Variants in SLIT3 observed in about 807,000 individuals in gnomAD.
The protein encoded by SLIT3 is slit homolog 3 protein.
In SLIT3, 68 loss-of-function variants were observed where a neutral mutation model predicts 184.0. The observed-to-expected ratio is 0.37, with a 90% CI of 0.30 to 0.45. The LOEUF (loss-of-function observed/expected upper bound fraction) is 0.45. SLIT3 is among the 20% of genes least tolerant of loss of function. The pLI is 1.00. For missense variants in SLIT3, 1,707 were observed against 2,026.0 expected (o/e 0.84, Z 3.02); for synonymous variants, 831 against 828.6 (o/e 1.00, Z -0.05).
rs533787115 is a variant in SLIT3 at position 168,887,879 on chromosome 5, A to T, written c.414-4543T>A. Among the ~76,000 whole-genome samples, 3 of 152,306 alleles carry T rather than the reference A, an allele frequency of 2.0e-5. No individual in the cohort carries two copies. In the South Asian group the frequency reaches 6.2e-4, roughly 32 times the overall value. ...AATGTCCTTTTTCAGCACCCCCAGG[A>T]CATATGCCTTCAACTCTACAAAGAA... On this transcript the variant is annotated intron_variant, in intron 4 of 35. Coordinates refer to ENST00000519560, the MANE Select transcript of SLIT3 (RefSeq NM_003062.4).
In SLIT3 at chr5:168,745,260, G is replaced by A. The variant is rs1022032507; in HGVS notation, c.2270+3042C>T. Among the ~76,000 whole-genome samples, 4 of 152,334 alleles carry A rather than the reference G, an allele frequency of 2.6e-5. No individual in the cohort carries two copies. The South Asian group carries it at 8.3e-4, about 32-fold the overall frequency. On this transcript the variant is annotated intron_variant, in intron 20 of 35. Coordinates refer to ENST00000519560, the MANE Select transcript of SLIT3 (RefSeq NM_003062.4). ...CTAAAACTTGAGCAGATAAGGAGTT[G>A]CTTCTTATAGATGAGGAAAGAAATT...
At chr5:168,963,771 A>G (rs1003145335) in intron 4 of SLIT3, among the ~76,000 whole-genome samples, 1 of 152,214 alleles carries the variant, frequency 6.6e-6, no homozygotes, top group Non-Finnish European at 1.5e-5. Flanking sequence ...TCAATGACCA[A>G]GAGGCTGACC....
chr5:169,240,579 C>CTTTTTTT (rs67955225), intron 3 of SLIT3, among the ~76,000 whole-genome samples: 147 of 114,124 alleles, frequency 1.3e-3, no homozygotes, highest in East Asian at 4.3e-3. Context: ...CTATCATTTT[C>CTTTTTTT]TTTTTTTTTT....
chr5:169,232,858 T>C (rs1242900384), intron 3 of SLIT3, among the ~76,000 whole-genome samples: 1 of 152,216 alleles, frequency 6.6e-6, no homozygotes, highest in Non-Finnish European at 1.5e-5. Context: ...CATCCATCAA[T>C]TTGGAGAGAG....
At chr5:168,883,453 T>C in intron 4 of SLIT3, 117 bp from the exon 5 acceptor site, 4 of 741,694 alleles carry the variant, frequency 5.4e-6, no homozygotes, top group Admixed American at 2.3e-5. Flanking sequence ...TCAGAGTGTA[T>C]GGCGGCTGTT....
At chr5:168,998,682 C>T (rs548712374) in intron 4 of SLIT3, among the ~76,000 whole-genome samples, 14 of 146,026 alleles carry the variant, frequency 9.6e-5, no homozygotes, top group East Asian at 3.9e-4. Context: ...CCAGCCTGGG[C>T]GACAGAGCAA....
rs564131355 is a variant in SLIT3 at position 169,255,593 on chromosome 5, T to C, written c.198-4134A>G. Among the ~76,000 whole-genome samples the C allele has an allele frequency of 3.3e-5, 5 of 152,270 alleles. No individual in the cohort carries two copies. In the East Asian group the frequency reaches 9.7e-4, roughly 29 times the overall value. ...AAAAAAAATTAAAAGTTTATAAAGT[T>C]AAAAAGTTGGCAGGGCGCAGTGGCT... On this transcript the variant is annotated intron_variant, in intron 1 of 35. Transcript: ENST00000519560.
chr5:168,902,662 A>C (rs1760909006), intron 4 of SLIT3, among the ~76,000 whole-genome samples: 1 of 152,198 alleles, frequency 6.6e-6, no homozygotes, highest in Non-Finnish European at 1.5e-5. Context: ...TCTAAATCAG[A>C]AGCTCTGGGG....
chr5:169,035,527 T>C (rs1757208153), intron 4 of SLIT3, among the ~76,000 whole-genome samples: 1 of 151,428 alleles, frequency 6.6e-6, no homozygotes, highest in African/African-American at 2.4e-5. Flanking sequence ...CGGGCACCTG[T>C]AGTCCCAGCT....
rs750100349 is a variant in SLIT3, at chr5:168,817,380, T to G, written c.713A>C (p.Gln238Pro). 1 of 1,614,212 alleles carries G rather than the reference T, an allele frequency of 6.2e-7. No homozygotes were observed. Among genetic ancestry groups the G allele is most frequent in the Non-Finnish European group, 8.5e-7 (1 of 1,180,034 alleles). The change falls in exon 8 of 36, where the codon CAG becomes CCG. Residue 238 changes from glutamine to proline, a missense_variant. Around this residue, in one of 3 missense-constraint regions of SLIT3, gnomAD observed 1,307 missense variants for 1,511.6 expected, o/e 0.86. Coordinates refer to ENST00000519560, the MANE Select transcript of SLIT3 (RefSeq NM_003062.4). ...CACAGGAGCCATGCAGAGTGTGAAC[T>G]GGCCAACTGTCCGTCGCTGTCGCAG... is the stretch of plus-strand genomic sequence containing the variant. ...DWLRQRRTVG[Q>P]FTLCMAPVHL...
intron 4 of SLIT3, among the ~76,000 whole-genome samples, chr5:168,946,144 G>A (rs1000278610): frequency 1.3e-5 from 2 of 152,178 alleles, no homozygotes; most frequent in Admixed American, 6.5e-5. Flanking sequence ...TTTTCAATGA[G>A]GCTGGGATTG....
At chr5:168,924,352 G>A (rs1761738362) in intron 4 of SLIT3, among the ~76,000 whole-genome samples, 2 of 152,130 alleles carry the variant, frequency 1.3e-5, no homozygotes, top group Admixed American at 1.3e-4. Context: ...CCTTCCTGCG[G>A]GTTGGGACCC....
intron 6 of SLIT3, among the ~76,000 whole-genome samples, chr5:168,841,043 C>T (rs561370240): frequency 1.9e-3 from 282 of 152,326 alleles, no homozygotes; most frequent in African/African-American, 6.5e-3. Flanking sequence ...TTCTCCCCAG[C>T]GGGATTGTGA....
intron 6 of SLIT3, among the ~76,000 whole-genome samples, chr5:168,839,499 A>C (rs1236641999): frequency 6.2e-4 from 95 of 152,228 alleles, no homozygotes; most frequent in Non-Finnish European, 1.6e-4. Context: ...TTTCCAGAGA[A>C]GCTGGAAATC....
At chr5:168,776,921 C>G (rs11134528) in intron 12 of SLIT3, among the ~76,000 whole-genome samples, 1 of 151,876 alleles carries the variant, frequency 6.6e-6, no homozygotes, top group Non-Finnish European at 1.5e-5. Flanking sequence ...TGTCAAGAAA[C>G]ACTGAACTAT....
chr5:168,857,372 GTTTTTGTTTTGTTTT>G (rs1195399374), intron 5 of SLIT3, among the ~76,000 whole-genome samples: 5 of 126,720 alleles, frequency 3.9e-5, no homozygotes, highest in Non-Finnish European at 6.7e-5. Context: ...TAGAGTTTTT[GTTTTTGTTTTGTTTT>G]GTTTTGTTTT....
At chr5:169,018,465 G>A (rs1756477416) in intron 4 of SLIT3, 1 of 152,402 alleles carries the variant, frequency 6.6e-6, no homozygotes, top group African/African-American at 2.4e-5. Context: ...GTCAAAGAGG[G>A]TTTAGCAGCC....
intron 26 of SLIT3, chr5:168,706,940 T>TG (rs1157253333): frequency 6.6e-6 from 1 of 152,268 alleles, no homozygotes; most frequent in African/African-American, 2.4e-5. Context: ...AGACAGGCTG[T>TG]GGGGCTGTCC....
intron 5 of SLIT3, among the ~76,000 whole-genome samples, chr5:168,882,348 A>C (rs1759985471): frequency 6.6e-6 from 1 of 152,130 alleles, no homozygotes; most frequent in East Asian, 1.9e-4. Context: ...TAGTCCTTGT[A>C]GGGGCCCAGG....
Sources: gnomAD v4.1 joint callset for allele counts (sites outside exome capture counted in the v4.1 genomes callset) on GRCh38, gnomAD v4.1.1 for gene constraint, gnomAD v4.1.1 regional missense constraint, MANE v1.5 for transcripts, NCBI Gene and HGNC (gene_info 2026-07-23, HGNC 2026-07-21) for gene names.